WDR72: variants seen among roughly 807,000 people sequenced by gnomAD.
WDR72 encodes WD repeat domain 72, also known as WD repeat-containing protein 72.
WDR72 carries 120 observed loss-of-function variants against 124.2 expected under a neutral mutation model. The observed-to-expected ratio is 0.97, with a 90% CI of 0.83 to 1.12. WDR72 has a LOEUF of 1.12. Ranked by LOEUF, WDR72 falls within the 50% of genes most tolerant of loss-of-function variation. WDR72 has a pLI of 0.00. For missense variants in WDR72, 1,387 were observed against 1,278.8 expected, an observed-to-expected ratio of 1.08 and a Z score of -1.29; for synonymous variants, 452 against 441.7, an observed-to-expected ratio of 1.02 and a Z score of -0.29.
intron 18 of WDR72, among the ~76,000 whole-genome samples, chr15:53,553,329 G>A (rs1039955636): frequency 2.0e-5 from 3 of 152,172 alleles, no homozygotes; most frequent in African/African-American, 7.2e-5. Context: ...CTCTTTCACA[G>A]ATGCAGACAC....
intron 2 of WDR72, among the ~76,000 whole-genome samples, chr15:53,730,503 C>T (rs568897567): frequency 6.6e-6 from 1 of 152,112 alleles, no homozygotes; most frequent in Non-Finnish European, 1.5e-5. Context: ...TGGTGGCAAG[C>T]GAGTGTTTAA....
At position 53,515,748 on chromosome 15, in the gene WDR72, C is replaced by T. The variant is rs958129725; in HGVS notation, c.*1951G>A. Reference sequence around the variant, plus strand: ...CATCAGAAAATATTTATCAGAGATTCAATATTGGTTTCATTAGAACTGATA... The same window carrying T: ...CATCAGAAAATATTTATCAGAGATTTAATATTGGTTTCATTAGAACTGATA... On this transcript the variant is annotated 3_prime_UTR_variant, in exon 20 of 20. Coordinates refer to ENST00000360509, the MANE Select transcript of WDR72 (RefSeq NM_182758.4). The T allele has an allele frequency of 6.6e-6, 1 of 152,046 alleles. No homozygotes were observed. Among genetic ancestry groups the T allele is most frequent in the Admixed American group, 6.6e-5 (1 of 15,260 alleles). 9.4% of individuals were successfully genotyped at this position (152,046 alleles called of 1,614,324 possible).
intron 13 of WDR72, among the ~76,000 whole-genome samples, chr15:53,678,854 C>A (rs1208992327): frequency 6.6e-6 from 1 of 152,156 alleles, no homozygotes; most frequent in Non-Finnish European, 1.5e-5. Flanking sequence ...TATTTGTATA[C>A]CCATGTTCAC....
intron 18 of WDR72, among the ~76,000 whole-genome samples, chr15:53,557,621 T>A (rs1231793121): frequency 6.6e-6 from 1 of 151,942 alleles, no homozygotes; most frequent in Non-Finnish European, 1.5e-5. Context: ...TGAGTTCTTG[T>A]GTAATGAAAT....
chr15:53,658,568 A>T (rs1455415669), intron 14 of WDR72, among the ~76,000 whole-genome samples: 2 of 152,218 alleles, frequency 1.3e-5, no homozygotes, highest in African/African-American at 2.4e-5. Flanking sequence ...CACACAGAGA[A>T]GAGGGGAGGG....
chr15:53,712,503 G>A (rs972445269), intron 7 of WDR72, among the ~76,000 whole-genome samples: 1 of 147,890 alleles, frequency 6.8e-6, no homozygotes, highest in African/African-American at 2.4e-5. Flanking sequence ...GCTGAGGCAG[G>A]AGAACTGCTT....
chr15:53,711,452 C>G lies in WDR72; in HGVS notation c.741G>C (p.Leu247=). ...KVYDYCDFSL[L]LTEVSRNGQF... ...GCCCATTTCTACTAACTTCAGTCAG[C>G]AGAAGGGAAAAATCACAATAATCAT... The change falls in exon 8 of 20, where the codon CTG becomes CTC. Residue 247 remains leucine, a synonymous_variant. Coordinates refer to ENST00000360509, the MANE Select transcript of WDR72 (RefSeq NM_182758.4). 1 of 1,613,998 alleles carries G rather than the reference C, an allele frequency of 6.2e-7. No homozygotes were observed. The highest frequency in any genetic ancestry group is 1.1e-5 in the South Asian group (1 of 91,082).
intron 9 of WDR72, among the ~76,000 whole-genome samples, chr15:53,706,567 C>T (rs1433982532): frequency 2.0e-5 from 3 of 151,120 alleles, no homozygotes; most frequent in Non-Finnish European, 2.9e-5. Context: ...GCTTTGAGTC[C>T]AGTCATTGTG....
chr15:53,520,330 T>C (rs765527748), intron 19 of WDR72, among the ~76,000 whole-genome samples: 2 of 152,106 alleles, frequency 1.3e-5, no homozygotes, highest in Non-Finnish European at 2.9e-5. Flanking sequence ...ATTGCATAGA[T>C]AAAACCATGT....
intron 17 of WDR72, among the ~76,000 whole-genome samples, chr15:53,598,705 G>A (rs566878901): frequency 1.3e-5 from 2 of 152,186 alleles, no homozygotes; most frequent in South Asian, 4.2e-4. Flanking sequence ...TGTTTAAGGA[G>A]TGAAAAAAGG....
intron 9 of WDR72, 23 bp from the exon 10 acceptor site, chr15:53,706,097 T>C (rs773010568): frequency 1.9e-6 from 3 of 1,613,304 alleles, no homozygotes; most frequent in South Asian, 1.1e-5. Context: ...TGAGCTTTTA[T>C]GTAGGAAATA....
At chr15:53,540,030 A>G (rs1466560787) in intron 18 of WDR72, among the ~76,000 whole-genome samples, 1 of 152,216 alleles carries the variant, frequency 6.6e-6, no homozygotes, top group Non-Finnish European at 1.5e-5. Context: ...ATAAATAAAG[A>G]CACAGAGAAG....
At chr15:53,663,476 T>C (rs924356122) in intron 14 of WDR72, among the ~76,000 whole-genome samples, 2 of 152,206 alleles carry the variant, frequency 1.3e-5, no homozygotes, top group East Asian at 3.9e-4. Flanking sequence ...CAAAATTATA[T>C]AAAGAAAATG....
intron 14 of WDR72, among the ~76,000 whole-genome samples, chr15:53,631,147 T>G (rs2014412364): frequency 6.6e-6 from 1 of 152,162 alleles, no homozygotes; most frequent in Non-Finnish European, 1.5e-5. Flanking sequence ...GGGGGCAGTT[T>G]CTAATAGTTT....
chr15:53,558,124 T>C (rs75421157), intron 18 of WDR72, among the ~76,000 whole-genome samples: 1,823 of 152,152 alleles, frequency 0.012, 41 homozygotes, highest in African/African-American at 0.042. Context: ...ACAGCTCCAC[T>C]TCTACTATAA....
At chr15:53,667,608 C>T (rs958855869) in intron 13 of WDR72, among the ~76,000 whole-genome samples, 1 of 152,124 alleles carries the variant, frequency 6.6e-6, no homozygotes, top group Non-Finnish European at 1.5e-5. Context: ...AAAACTACTG[C>T]ATTCCAGAAC....
chr15:53,614,624 C>T (rs1008768412), intron 15 of WDR72, among the ~76,000 whole-genome samples: 2 of 152,072 alleles, frequency 1.3e-5, no homozygotes, highest in African/African-American at 4.8e-5. Flanking sequence ...ATCCTGTAAT[C>T]TGTACCAGGA....
chr15:53,578,692 T>C (rs2011750164), intron 18 of WDR72, among the ~76,000 whole-genome samples: 1 of 152,010 alleles, frequency 6.6e-6, no homozygotes, highest in South Asian at 2.1e-4. Flanking sequence ...CTGCACTTTA[T>C]CCTAAGAGAA....
intron 18 of WDR72, among the ~76,000 whole-genome samples, chr15:53,553,321 C>T (rs1341018664): frequency 1.3e-5 from 2 of 152,164 alleles, no homozygotes; most frequent in Admixed American, 6.6e-5. Context: ...AGTGTTTCCT[C>T]TTTCACAGAT....
Sources: gnomAD v4.1 joint callset for allele counts (sites outside exome capture counted in the v4.1 genomes callset) on GRCh38, gnomAD v4.1.1 for gene constraint, MANE v1.5 for transcripts, NCBI Gene and HGNC (gene_info 2026-07-23, HGNC 2026-07-21) for gene names.